The following CNIH3 variants were observed in gnomAD, a reference collection of about 807,000 sequenced individuals.
CNIH3 encodes cornichon family AMPA receptor auxiliary protein 3.
Under a neutral mutation model 24.1 loss-of-function variants are expected in CNIH3, and 14 were observed. The observed-to-expected ratio is 0.58, with a 90% CI of 0.38 to 0.91. CNIH3 has a LOEUF of 0.91. CNIH3 is among the 40% of genes least tolerant of loss of function. CNIH3 has a pLI of 0.00. For synonymous variants in CNIH3, 68 were observed against 73.8 expected (o/e 0.92, Z 0.40); for missense variants, 178 against 196.8 (o/e 0.90, Z 0.57).
upstream of CNIH3, among the ~76,000 whole-genome samples, chr1:224,613,464 T>G (rs1226548607): frequency 2.6e-5 from 4 of 152,236 alleles, no homozygotes; most frequent in African/African-American, 7.2e-5. Context: ...CTTAATGTTC[T>G]GCTGTTGCTG....
intron 1 of CNIH3, among the ~76,000 whole-genome samples, chr1:224,493,430 G>A (rs1410104927): frequency 1.3e-5 from 2 of 152,124 alleles, no homozygotes; most frequent in African/African-American, 4.8e-5. Context: ...GAGTGGGGTA[G>A]GGAGACCTAG....
intron 1 of CNIH3, among the ~76,000 whole-genome samples, chr1:224,655,482 A>C (rs924050361): frequency 3.9e-5 from 6 of 152,114 alleles, no homozygotes; most frequent in African/African-American, 1.4e-4. Context: ...TGCAAGCAGG[A>C]GGGAGAATCC....
chr1:224,700,204 T>C (rs1687408210), intron 3 of CNIH3, among the ~76,000 whole-genome samples: 1 of 152,208 alleles, frequency 6.6e-6, no homozygotes, highest in African/African-American at 2.4e-5. Flanking sequence ...TCTGGGTCTC[T>C]TCTTCAGACT....
At chr1:224,722,272 C>A (rs1688761913) in intron 3 of CNIH3, among the ~76,000 whole-genome samples, 1 of 152,128 alleles carries the variant, frequency 6.6e-6, no homozygotes, top group African/African-American at 2.4e-5. Flanking sequence ...AATCTCAGCT[C>A]AAGTGTTTAA....
At chr1:224,646,696 A>T (rs1361840742) in intron 1 of CNIH3, among the ~76,000 whole-genome samples, 1 of 152,120 alleles carries the variant, frequency 6.6e-6, no homozygotes, top group Non-Finnish European at 1.5e-5. Context: ...ATGAGCCACC[A>T]TGTCCAGTCT....
At chr1:224,438,809 G>C (rs1310518207) in intron 1 of CNIH3, among the ~76,000 whole-genome samples, 1 of 152,158 alleles carries the variant, frequency 6.6e-6, no homozygotes, top group Non-Finnish European at 1.5e-5. Flanking sequence ...TTTAAGTGGG[G>C]ATAATGACAT....
At chr1:224,446,716 A>T (rs1675180716) in intron 1 of CNIH3, among the ~76,000 whole-genome samples, 1 of 152,204 alleles carries the variant, frequency 6.6e-6, no homozygotes, top group African/African-American at 2.4e-5. Flanking sequence ...TAATTTAATG[A>T]TACAGCTGGT....
intron 4 of CNIH3, among the ~76,000 whole-genome samples, chr1:224,730,920 T>G (rs182752648): frequency 7.3e-4 from 111 of 152,304 alleles, no homozygotes; most frequent in South Asian, 1.9e-3. Flanking sequence ...GGAATACTAT[T>G]TGTCAATAAA....
At chr1:224,461,599 T>C (rs561786880) in intron 1 of CNIH3, among the ~76,000 whole-genome samples, 1 of 152,258 alleles carries the variant, frequency 6.6e-6, no homozygotes, top group Non-Finnish European at 1.5e-5. Context: ...AAATGATTTC[T>C]TCAGTTACCA....
In CNIH3 at chr1:224,439,753, A is replaced by T. The variant is rs562959654; in HGVS notation, n.203+4891A>T. On this transcript the variant is annotated intron_variant and non_coding_transcript_variant, in intron 1 of 5. Transcript: ENST00000471578. The stretch of plus-strand genomic sequence containing the variant: ...CAGCCTCCCGAGTAGCTGGGACTAC[A>T]GGCGTGCACCACCATCCCCAGGTAA... 3.3e-5 allele frequency among the ~76,000 whole-genome samples: 5 copies of T among 151,750 alleles called. No individual in the cohort carries two copies. In the South Asian group the frequency reaches 1.0e-3, roughly 32 times the overall value.
intron 3 of CNIH3, among the ~76,000 whole-genome samples, chr1:224,691,905 C>T (rs1686951560): frequency 1.3e-5 from 2 of 152,160 alleles, no homozygotes; most frequent in South Asian, 4.1e-4. Context: ...CAAGCTTTGT[C>T]CAAATTTCTT....
Position 224,484,456 on chromosome 1 carries a change from A to T in CNIH3, n.204-31285A>T, listed in dbSNP as rs149986922. Among the ~76,000 whole-genome samples the T allele has an allele frequency of 3.1e-3, 475 of 151,974 alleles. 1 individual carries two copies. Among genetic ancestry groups the T allele is most frequent in the African/African-American group, 0.011 (438 of 41,498 alleles). Reference sequence around the variant, plus strand: ...AAAAAAAAAAAAGATTTTTCTCTTTATCACCAGTTTTGAGCACATTGACTA... The same window carrying T: ...AAAAAAAAAAAAGATTTTTCTCTTTTTCACCAGTTTTGAGCACATTGACTA... On this transcript the variant is annotated intron_variant and non_coding_transcript_variant, in intron 1 of 5. Coordinates refer to the CNIH3 transcript ENST00000471578.
intron 4 of CNIH3, among the ~76,000 whole-genome samples, chr1:224,730,918 A>G (rs1689293145): frequency 6.6e-6 from 1 of 152,246 alleles, no homozygotes; most frequent in Admixed American, 6.5e-5. Flanking sequence ...ATGGAATACT[A>G]TTTGTCAATA....
intron 4 of CNIH3, among the ~76,000 whole-genome samples, chr1:224,571,339 G>A (rs1680806934): frequency 6.6e-6 from 1 of 152,172 alleles, no homozygotes; most frequent in South Asian, 2.1e-4. Flanking sequence ...TGTCAGCCAG[G>A]TGAGACACGG....
intron 1 of CNIH3, among the ~76,000 whole-genome samples, chr1:224,472,834 C>A (rs1461961720): frequency 6.6e-6 from 1 of 152,172 alleles, no homozygotes; most frequent in Non-Finnish European, 1.5e-5. Context: ...ATTACAGGAG[C>A]TTTCCTCTCC....
At chr1:224,736,672 G>A (rs892753469) in intron 5 of CNIH3, among the ~76,000 whole-genome samples, 6 of 152,110 alleles carry the variant, frequency 3.9e-5, no homozygotes, top group African/African-American at 9.7e-5. Context: ...CCCAGTGTCC[G>A]CAGACTCTGT....
At position 224,604,137 on chromosome 1, in the gene CNIH3, C is replaced by A. The variant is rs1332437607; in HGVS notation, n.402+37873C>A. 6.6e-6 allele frequency among the ~76,000 whole-genome samples: 1 copy of A among 152,128 alleles called. No homozygotes were observed. Among genetic ancestry groups the A allele is most frequent in the South Asian group, 2.1e-4 (1 of 4,828 alleles). On this transcript the variant is annotated intron_variant and non_coding_transcript_variant, in intron 3 of 7. Coordinates refer to the CNIH3 transcript ENST00000478120. The surrounding 1 kb of genome is among the most constrained non-coding windows in gnomAD (Gnocchi z 4.4). Reference sequence around the variant, plus strand: ...CATGGGAGGCCCATTTGTCAGTGGTCCTTGTGACATCCTATGACAATTAGC... The same window carrying A: ...CATGGGAGGCCCATTTGTCAGTGGTACTTGTGACATCCTATGACAATTAGC...
chr1:224,707,488 A>G (rs539356485), intron 3 of CNIH3, among the ~76,000 whole-genome samples: 156 of 149,502 alleles, frequency 1.0e-3, no homozygotes, highest in South Asian at 5.1e-3. Context: ...GTTAACCACA[A>G]AGTTCACAGA....
chr1:224,639,130 C>T (rs1285249678), intron 1 of CNIH3, among the ~76,000 whole-genome samples: 1 of 152,226 alleles, frequency 6.6e-6, no homozygotes, highest in Non-Finnish European at 1.5e-5. Context: ...CTTCTCCCCT[C>T]CCAGCAAGGA....
Sources: gnomAD v4.1 joint callset for allele counts (sites outside exome capture counted in the v4.1 genomes callset) on GRCh38, gnomAD v4.1.1 for gene constraint, Gnocchi (gnomAD v3.1) non-coding constraint, MANE v1.5 for transcripts, NCBI Gene and HGNC (gene_info 2026-07-23, HGNC 2026-07-21) for gene names.